Variants in NLGN4X observed in about 807,000 individuals in gnomAD.
NLGN4X encodes the protein neuroligin-4, X-linked.
A neutral mutation model predicts 40.3 loss-of-function variants in NLGN4X; 3 were observed. The observed-to-expected ratio is 0.07, with a 90% confidence interval of 0.03 to 0.19. The LOEUF (loss-of-function observed/expected upper bound fraction) is 0.19. Ranked by LOEUF, NLGN4X falls within the 10% of genes least tolerant of loss-of-function variation. NLGN4X has a pLI of 1.00. For missense variants in NLGN4X, 382 were observed against 708.3 expected (o/e 0.54, Z 5.23); for synonymous variants, 270 against 306.8 (o/e 0.88, Z 1.25).
intron 2 of NLGN4X, among the ~76,000 whole-genome samples, chrX:6,142,349 G>T (rs902418349): frequency 1.8e-5 from 2 of 112,149 alleles, no homozygotes; most frequent in African/African-American, 6.5e-5. Context: ...TTTTGAGCTG[G>T]GGGAGAGACA....
intron 2 of NLGN4X, among the ~76,000 whole-genome samples, chrX:6,150,256 A>G (rs970796371): frequency 6.2e-5 from 7 of 112,377 alleles, no homozygotes; most frequent in African/African-American, 2.3e-4. Flanking sequence ...ACATAAAACT[A>G]TTCATGTTTT....
chrX:6,192,759 G>A (rs1204549357), intron 1 of NLGN4X, among the ~76,000 whole-genome samples: 3 of 111,900 alleles, frequency 2.7e-5, no homozygotes, highest in Non-Finnish European at 5.6e-5. Context: ...ATGAGGTGGT[G>A]AGAATGAACC....
At chrX:6,063,865 T>C (rs921140932) in intron 2 of NLGN4X, among the ~76,000 whole-genome samples, 2 of 112,122 alleles carry the variant, frequency 1.8e-5, no homozygotes, top group African/African-American at 6.5e-5. Context: ...ACAAAAATAC[T>C]AGGAAGTCCT....
chrX:5,979,722 ATATG>A (rs925969085), intron 3 of NLGN4X, among the ~76,000 whole-genome samples: 3 of 93,354 alleles, frequency 3.2e-5, no homozygotes, highest in African/African-American at 1.6e-4. Flanking sequence ...TAGAATATAT[ATATG>A]TGTGTATATA....
Position 5,909,229 on chromosome X carries a change from A to G in NLGN4X, c.636T>C (p.Ser212=), listed in dbSNP as rs774723055. The G allele has an allele frequency of 8.3e-7, 1 of 1,211,672 alleles. No individual in the cohort carries two copies. The highest frequency in any genetic ancestry group is 3.0e-5 in the East Asian group (1 of 33,811). The change falls in exon 4 of 6, where the codon AGT becomes AGC. Residue 212 remains serine, a synonymous_variant. Transcript: ENST00000381095. ...NYRLGILGFL[S]TGDQAAKGNY... ...TGCCTTTTGCTGCCTGGTCACCGGT[A>G]CTTAAAAACCCTACAAAAGAACACA...
chrX:6,030,202 C>T (rs1047053242), intron 2 of NLGN4X, among the ~76,000 whole-genome samples: 1 of 111,639 alleles, frequency 9.0e-6, no homozygotes, highest in African/African-American at 3.2e-5. Flanking sequence ...CCAATGATTC[C>T]TCTTGGTAAT....
chrX:6,200,688 T>TTTTTTTTTTTC lies in NLGN4X; in HGVS notation c.-306+27852_-306+27853insGAAAAAAAAAA, dbSNP rs1491277317. Among the ~76,000 whole-genome samples, 57 of 34,763 alleles carry TTTTTTTTTTTC rather than the reference T, an allele frequency of 1.6e-3. 1 individual carries two copies. Among genetic ancestry groups the TTTTTTTTTTTC allele is most frequent in the Middle Eastern group, 8.6e-3 (1 of 116 alleles). 30.2% of individuals were successfully genotyped at this position (34,763 alleles called of 115,157 possible). ...TGCTTAATTTATTCCTTTCCTTTTC[T>TTTTTTTTTTTC]TTTTTTTTTTTTTTTTTTTACAAGA... On this transcript the variant is annotated intron_variant, in intron 1 of 5. Coordinates refer to ENST00000381095, the MANE Select transcript of NLGN4X (RefSeq NM_181332.3).
chrX:5,931,227 C>T (rs1376700022), intron 3 of NLGN4X, among the ~76,000 whole-genome samples: 1 of 111,768 alleles, frequency 8.9e-6, no homozygotes, highest in Non-Finnish European at 1.9e-5. Context: ...CTAATATACC[C>T]TTCATTGTCC....
Position 5,892,641 on chromosome X carries a change from A to T in NLGN4X, c.*176T>A. 1.8e-6 allele frequency: 1 copy of T among 561,762 alleles called. No individual in the cohort carries two copies. The highest frequency in any genetic ancestry group is 2.8e-6 in the Non-Finnish European group (1 of 353,084). 46.3% of individuals were successfully genotyped at this position (561,762 alleles called of 1,213,427 possible). A position where few individuals can be genotyped will look rare whatever the true frequency, so the allele number is the denominator to read the frequency against. On this transcript the variant is annotated 3_prime_UTR_variant, in exon 6 of 6. Transcript: ENST00000381095. Reference sequence around the variant, plus strand: ...TGTAATACTGGAAAACACCAACGATAAGGGTCTGCCGGGATGGGATGACTG... The same window carrying T: ...TGTAATACTGGAAAACACCAACGATTAGGGTCTGCCGGGATGGGATGACTG...
chrX:6,227,451 C>T (rs1416632182), intron 1 of NLGN4X, among the ~76,000 whole-genome samples: 3 of 109,089 alleles, frequency 2.8e-5, no homozygotes, highest in African/African-American at 6.7e-5. Context: ...TCCAACTTTT[C>T]CGCTCCTTCG....
intron 1 of NLGN4X, among the ~76,000 whole-genome samples, chrX:6,179,267 A>G (rs1245812791): frequency 9.0e-6 from 1 of 111,349 alleles, no homozygotes. Flanking sequence ...AATAACTGAA[A>G]AACACCCATC....
chrX:6,003,259 C>T (rs887511414), intron 3 of NLGN4X, among the ~76,000 whole-genome samples: 3 of 111,886 alleles, frequency 2.7e-5, no homozygotes, highest in Non-Finnish European at 5.6e-5. Flanking sequence ...CTTACAGTGG[C>T]GTGAAAGCAG....
chrX:6,029,802 T>C (rs184070136), intron 2 of NLGN4X, among the ~76,000 whole-genome samples: 14 of 111,988 alleles, frequency 1.3e-4, no homozygotes, highest in Admixed American at 1.1e-3. Flanking sequence ...TGATGAAATA[T>C]ATTTTATCTT....
chrX:6,155,171 C>T (rs1446945566), intron 1 of NLGN4X, among the ~76,000 whole-genome samples: 1 of 111,107 alleles, frequency 9.0e-6, no homozygotes, highest in Non-Finnish European at 1.9e-5. Flanking sequence ...TGAGAAAGAG[C>T]ACCCTTCCCT....
At chrX:5,931,080 TA>T (rs2033528652) in intron 3 of NLGN4X, among the ~76,000 whole-genome samples, 1 of 111,739 alleles carries the variant, frequency 8.9e-6, no homozygotes. Flanking sequence ...CACAAAGAAG[TA>T]AAAAAGCTCC....
intron 3 of NLGN4X, among the ~76,000 whole-genome samples, chrX:5,988,469 T>A (rs1019340865): frequency 8.9e-6 from 1 of 111,912 alleles, no homozygotes; most frequent in African/African-American, 3.3e-5. Flanking sequence ...CATTGGCGGG[T>A]GGGAATGTTC....
At chrX:6,086,551 A>G (rs1375682843) in intron 2 of NLGN4X, among the ~76,000 whole-genome samples, 1 of 111,886 alleles carries the variant, frequency 8.9e-6, no homozygotes, top group Non-Finnish European at 1.9e-5. Flanking sequence ...CCTTTCAACA[A>G]TCCATCAATC....
chrX:5,983,083 T>G (rs2035435262), intron 3 of NLGN4X, among the ~76,000 whole-genome samples: 2 of 112,299 alleles, frequency 1.8e-5, no homozygotes, highest in African/African-American at 6.5e-5. Flanking sequence ...GCCTTTAACA[T>G]TTTCCTACCT....
intron 2 of NLGN4X, among the ~76,000 whole-genome samples, chrX:6,073,476 C>T (rs933164643): frequency 2.0e-4 from 22 of 112,099 alleles, no homozygotes; most frequent in African/African-American, 7.1e-4. Context: ...AGGGCCAAAG[C>T]CATCCTTGGC....
Sources: allele counts gnomAD v4.1 joint callset (sites outside exome capture counted in the v4.1 genomes callset), GRCh38; gene constraint gnomAD v4.1.1; transcripts MANE v1.5; gene names NCBI Gene and HGNC (gene_info 2026-07-23, HGNC 2026-07-21).